VPS37A: variants seen among roughly 807,000 people sequenced by gnomAD.
VPS37A encodes the protein vacuolar protein sorting-associated protein 37A.
Under a neutral mutation model 49.8 loss-of-function variants are expected in VPS37A, and 30 were observed. The ratio of observed to expected loss-of-function variants is 0.60; its 90% confidence interval spans 0.45 to 0.82. The LOEUF is 0.82. Ranked by LOEUF, VPS37A falls within the 40% of genes least tolerant of loss-of-function variation. The pLI is 0.00. For synonymous variants in VPS37A, 195 were observed against 160.6 expected (o/e 1.21, Z -1.62); for missense variants, 593 against 464.4 (o/e 1.28, Z -2.55).
chr8:17,261,676 A>T (rs879334041), intron 1 of VPS37A, among the ~76,000 whole-genome samples: 1 of 152,118 alleles, frequency 6.6e-6, no homozygotes, highest in Admixed American at 6.6e-5. Flanking sequence ...GTGGCACTTT[A>T]AACCCAGGTT....
chr8:17,264,464 C>T (rs1388672950), intron 1 of VPS37A, among the ~76,000 whole-genome samples: 1 of 152,170 alleles, frequency 6.6e-6, no homozygotes, highest in Admixed American at 6.5e-5. Context: ...TATTGAGTGT[C>T]CACTTGAGTC....
intron 11 of VPS37A, among the ~76,000 whole-genome samples, chr8:17,289,190 A>G (rs1002570238): frequency 6.6e-6 from 1 of 152,172 alleles, no homozygotes; most frequent in African/African-American, 2.4e-5. Flanking sequence ...TTTGCTGTGC[A>G]TAAGGTCTTT....
intron 11 of VPS37A, among the ~76,000 whole-genome samples, chr8:17,293,556 C>G (rs1463056568): frequency 6.6e-6 from 1 of 152,110 alleles, no homozygotes; most frequent in Non-Finnish European, 1.5e-5. Flanking sequence ...TTTGAATTTT[C>G]AGCCTTTTTG....
At chr8:17,307,173 G>T (rs1409613681), downstream of VPS37A, among the ~76,000 whole-genome samples, 1 of 151,994 alleles carries the variant, frequency 6.6e-6, no homozygotes, top group African/African-American at 2.4e-5. Flanking sequence ...AATCTAAAAT[G>T]AACTCAAACA....
chr8:17,271,528 C>T (rs1334557148), intron 4 of VPS37A, among the ~76,000 whole-genome samples: 2 of 152,128 alleles, frequency 1.3e-5, no homozygotes, highest in African/African-American at 4.8e-5. Context: ...ATGGCGTGAA[C>T]CCGGGAGGAA....
chr8:17,300,735 G>A (rs1007112018), downstream of VPS37A, among the ~76,000 whole-genome samples: 5 of 152,138 alleles, frequency 3.3e-5, no homozygotes, highest in Non-Finnish European at 4.4e-5. Context: ...CTCCCCTGCC[G>A]AAAGAAAACC....
At chr8:17,314,298 C>G in the VPS37A span, among the ~76,000 whole-genome samples, 3 of 152,072 alleles carry the variant, frequency 2.0e-5, no homozygotes, top group Non-Finnish European at 4.4e-5. Flanking sequence ...TTTTATTGTT[C>G]TCTGTGATGC....
chr8:17,270,077 G>T (rs1813832665), intron 4 of VPS37A, among the ~76,000 whole-genome samples: 1 of 151,998 alleles, frequency 6.6e-6, no homozygotes, highest in Admixed American at 6.6e-5. Flanking sequence ...TAAACAGTCA[G>T]ATCTCATGAG....
At chr8:17,327,365 G>A in the VPS37A span, among the ~76,000 whole-genome samples, 1 of 152,128 alleles carries the variant, frequency 6.6e-6, no homozygotes, top group Admixed American at 6.5e-5. Context: ...CAACCTCCCA[G>A]GCCCAAGTGA....
downstream of VPS37A, chr8:17,304,563 T>TTTA: frequency 6.3e-7 from 1 of 1,584,414 alleles, no homozygotes. Flanking sequence ...ATTTTGGTGC[T>TTTA]TACACACAGT....
intron 1 of VPS37A, among the ~76,000 whole-genome samples, chr8:17,251,532 CCAG>C (rs777441933): frequency 1.3e-5 from 2 of 152,206 alleles, no homozygotes; most frequent in African/African-American, 2.4e-5. Context: ...AAGCTTCTAG[CCAG>C]CTTATTGTTT....
chr8:17,320,631 G>C, the VPS37A span, among the ~76,000 whole-genome samples: 1 of 152,230 alleles, frequency 6.6e-6, no homozygotes, highest in Non-Finnish European at 1.5e-5. Context: ...CCAATTGGAA[G>C]ACAGCACAAT....
chr8:17,260,770 C>A (rs1812893710), intron 1 of VPS37A, among the ~76,000 whole-genome samples: 1 of 152,228 alleles, frequency 6.6e-6, no homozygotes, highest in Admixed American at 6.5e-5. Context: ...TCGTTTTTTC[C>A]TTTCAGCATT....
intron 4 of VPS37A, chr8:17,272,007 G>A (rs1321334261): frequency 2.2e-6 from 1 of 456,642 alleles, no homozygotes; most frequent in Non-Finnish European, 4.4e-6. Context: ...CTAGAAATCA[G>A]GTGGCACCAT....
the VPS37A span, among the ~76,000 whole-genome samples, chr8:17,308,368 TTTAA>T: frequency 2.0e-5 from 3 of 152,186 alleles, no homozygotes; most frequent in Admixed American, 1.3e-4. Flanking sequence ...AATTGGGGGC[TTTAA>T]TTTTCTCATT....
chr8:17,268,317 G>A lies in VPS37A; in HGVS notation c.260G>A (p.Arg87Gln). 4 of 1,613,264 alleles carry A rather than the reference G, an allele frequency of 2.5e-6. No homozygotes were observed. The highest frequency in any genetic ancestry group is 3.4e-6 in the Non-Finnish European group (4 of 1,179,742). ...GTGATCAGTGTTTATCCACCAATAC[G>A]ACATCACTTAATGGATAAACAAGGA... Reference protein sequence around the residue: ...KPVISVYPPIRHHLMDKQGVY... With the variant: ...KPVISVYPPIQHHLMDKQGVY... The change falls in exon 3 of 12, where the codon CGA (arginine) becomes CAA (glutamine). Residue 87 changes from arginine to glutamine, a missense_variant. Physicochemically the swap from Arg to Gln is conservative, Grantham distance 43 (BLOSUM62 1). Transcript: ENST00000324849.
At chr8:17,301,050 A>T (rs1029402493), downstream of VPS37A, among the ~76,000 whole-genome samples, 1 of 152,226 alleles carries the variant, frequency 6.6e-6, no homozygotes, top group Admixed American at 6.5e-5. Flanking sequence ...TGTTCAGAAT[A>T]CATTTCGCCA....
intron 1 of VPS37A, among the ~76,000 whole-genome samples, chr8:17,255,279 G>C (rs1019253912): frequency 6.6e-6 from 1 of 152,108 alleles, no homozygotes; most frequent in African/African-American, 2.4e-5. Flanking sequence ...TCAGGAGTTC[G>C]AGACCAGCCT....
chr8:17,264,147 A>G (rs1429000848), intron 1 of VPS37A, among the ~76,000 whole-genome samples: 1 of 152,042 alleles, frequency 6.6e-6, no homozygotes, highest in Non-Finnish European at 1.5e-5. Flanking sequence ...CCCATTTGAG[A>G]GAAAAGGCTT....
Sources: gnomAD v4.1 joint callset for allele counts (sites outside exome capture counted in the v4.1 genomes callset) on GRCh38, gnomAD v4.1.1 for gene constraint, MANE v1.5 for transcripts, NCBI Gene and HGNC (gene_info 2026-07-23, HGNC 2026-07-21) for gene names.